AKAP13: variants seen among roughly 807,000 people sequenced by gnomAD.
The protein encoded by AKAP13 is A-kinase anchoring protein 13.
A neutral mutation model predicts 264.5 loss-of-function variants in AKAP13; 80 were observed. The ratio of observed to expected loss-of-function variants is 0.30; its 90% CI spans 0.25 to 0.36. The LOEUF (loss-of-function observed/expected upper bound fraction) is 0.36. AKAP13 is among the 10% of genes least tolerant of loss of function. The probability of loss-of-function intolerance (pLI) is 1.00; values close to 1 mark genes in which losing one functional copy is unlikely to be tolerated. For missense variants in AKAP13, 3,712 were observed against 3,435.2 expected, an observed-to-expected ratio of 1.08 and a Z score of -2.01; for synonymous variants, 1,380 against 1,250.2, an observed-to-expected ratio of 1.10 and a Z score of -2.19.
At chr15:85,524,898 T>C (rs1240995077) in intron 3 of AKAP13, among the ~76,000 whole-genome samples, 1 of 151,496 alleles carries the variant, frequency 6.6e-6, no homozygotes, top group African/African-American at 2.4e-5. Flanking sequence ...TGTGTGTGTG[T>C]GTGTCTGTGT....
At chr15:85,520,762 G>A in intron 2 of AKAP13, 1 of 515,304 alleles carries the variant, frequency 1.9e-6, no homozygotes, top group Non-Finnish European at 3.9e-6. Context: ...ACAGTCATGT[G>A]TTGTTTAAAC....
At chr15:85,504,287 G>A (rs997298207) in intron 2 of AKAP13, among the ~76,000 whole-genome samples, 4 of 152,032 alleles carry the variant, frequency 2.6e-5, no homozygotes, top group African/African-American at 7.2e-5. Flanking sequence ...GGAGAGGAGA[G>A]AGGAGAGGGG....
At chr15:85,659,945 G>A (rs1318947249) in intron 12 of AKAP13, among the ~76,000 whole-genome samples, 2 of 152,198 alleles carry the variant, frequency 1.3e-5, no homozygotes, top group Non-Finnish European at 2.9e-5. Context: ...TTGAGGAATT[G>A]AGGAAATGAC....
chr15:85,685,151 A>C (rs1050294262), intron 16 of AKAP13: 11 of 287,560 alleles, frequency 3.8e-5, no homozygotes, highest in African/African-American at 2.4e-4. Context: ...TCTTTTCTAA[A>C]AGTGATGTAC....
At chr15:85,577,481 G>T (rs1478119071) in intron 6 of AKAP13, among the ~76,000 whole-genome samples, 1 of 152,150 alleles carries the variant, frequency 6.6e-6, no homozygotes, top group Admixed American at 6.5e-5. Context: ...GCATGCACAT[G>T]GGATTTTTGC....
chr15:85,735,247 A>C (rs1422415794), intron 31 of AKAP13, 97 bp downstream of exon 31: 19 of 1,484,432 alleles, frequency 1.3e-5, no homozygotes, highest in Non-Finnish European at 1.4e-5. Context: ...CACCGCTCCC[A>C]ATCAGCAAAT....
intron 1 of AKAP13, among the ~76,000 whole-genome samples, chr15:85,476,154 G>A (rs1047337127): frequency 5.3e-5 from 8 of 152,182 alleles, no homozygotes; most frequent in African/African-American, 1.9e-4. Flanking sequence ...ACTGAGCATG[G>A]TGCATGCATG....
chr15:85,597,275 C>T (rs1168192259), intron 8 of AKAP13, among the ~76,000 whole-genome samples: 1 of 152,158 alleles, frequency 6.6e-6, no homozygotes, highest in African/African-American at 2.4e-5. Flanking sequence ...AAAGAGCTAG[C>T]ATGCTCAAAG....
chr15:85,602,739 C>T (rs906544833), intron 8 of AKAP13, among the ~76,000 whole-genome samples: 9 of 152,174 alleles, frequency 5.9e-5, no homozygotes, highest in Non-Finnish European at 1.0e-4. Flanking sequence ...CCGCCCGCCT[C>T]AGCTTCCCAA....
At chr15:85,717,895 C>T in intron 21 of AKAP13, 112 bp from the exon 22 acceptor site, 1 of 1,005,306 alleles carries the variant, frequency 9.9e-7, no homozygotes, top group Non-Finnish European at 1.5e-6. Context: ...TGTGAATATC[C>T]CCTGTATTCA....
At chr15:85,492,408 A>G (rs2075756122) in intron 2 of AKAP13, among the ~76,000 whole-genome samples, 1 of 152,246 alleles carries the variant, frequency 6.6e-6, no homozygotes, top group Admixed American at 6.5e-5. Context: ...CTTTAAATGT[A>G]CAGAGAAGTT....
chr15:85,388,667 T>C (rs1017130182), intron 1 of AKAP13, among the ~76,000 whole-genome samples: 1 of 152,232 alleles, frequency 6.6e-6, no homozygotes, highest in African/African-American at 2.4e-5. Flanking sequence ...GAAATAGCTT[T>C]GCATTCTTGT....
At chr15:85,709,631 A>T (rs975155729) in intron 18 of AKAP13, among the ~76,000 whole-genome samples, 1 of 151,976 alleles carries the variant, frequency 6.6e-6, no homozygotes, top group African/African-American at 2.4e-5. Flanking sequence ...AGCATCTCCC[A>T]TATAAGAGAA....
intron 5 of AKAP13, among the ~76,000 whole-genome samples, chr15:85,552,023 T>TTA (rs2077975952): frequency 6.6e-6 from 1 of 152,126 alleles, no homozygotes; most frequent in Non-Finnish European, 1.5e-5. Context: ...AAAAACTAGG[T>TTA]GTGTTGAATA....
intron 1 of AKAP13, among the ~76,000 whole-genome samples, chr15:85,465,567 G>T (rs910185004): frequency 2.9e-5 from 4 of 139,450 alleles, no homozygotes; most frequent in African/African-American, 1.1e-4. Context: ...TGTTCTCATT[G>T]TTCAGTTCCC....
intron 3 of AKAP13, among the ~76,000 whole-genome samples, chr15:85,529,599 G>A (rs1053343080): frequency 1.3e-5 from 2 of 152,166 alleles, no homozygotes; most frequent in Admixed American, 1.3e-4. Context: ...TTTAAAAAAT[G>A]CTGATTTACC....
intron 8 of AKAP13, among the ~76,000 whole-genome samples, chr15:85,627,212 C>T (rs980273816): frequency 1.2e-4 from 18 of 152,026 alleles, no homozygotes; most frequent in Admixed American, 2.6e-4. Context: ...CTCAAGCTTC[C>T]GAAACCTTGT....
intron 4 of AKAP13, among the ~76,000 whole-genome samples, chr15:85,538,678 A>AT (rs2077483301): frequency 6.7e-6 from 1 of 149,126 alleles, no homozygotes; most frequent in South Asian, 2.1e-4. Context: ...TTTAGTAGAG[A>AT]CGGGGTTTCA....
chr15:85,587,262 G>A (rs1234806503), intron 8 of AKAP13, among the ~76,000 whole-genome samples: 13 of 152,308 alleles, frequency 8.5e-5, no homozygotes, highest in East Asian at 5.8e-4. Context: ...TAGATAGTAC[G>A]TAAACTGCCC....
Sources: gnomAD v4.1 joint callset for allele counts (sites outside exome capture counted in the v4.1 genomes callset) on GRCh38, gnomAD v4.1.1 for gene constraint, MANE v1.5 for transcripts, NCBI Gene and HGNC (gene_info 2026-07-23, HGNC 2026-07-21) for gene names.